The following KLF12 variants were observed in gnomAD, a reference collection of about 807,000 sequenced individuals.
KLF12 encodes the protein KLF transcription factor 12, also known as Krueppel-like factor 12.
A neutral mutation model predicts 37.8 loss-of-function variants in KLF12; 9 were observed. The ratio of observed to expected loss-of-function variants is 0.24; its 90% CI spans 0.14 to 0.42. The LOEUF (loss-of-function observed/expected upper bound fraction) is 0.42, where lower values mean the gene tolerates loss of function less well. KLF12 is among the 10% of genes least tolerant of loss of function. The probability of loss-of-function intolerance (pLI) is 1.00; values close to 1 mark genes in which losing one functional copy is unlikely to be tolerated. For missense variants in KLF12, 411 were observed against 516.0 expected, an observed-to-expected ratio of 0.80 and a Z score of 1.97; for synonymous variants, 208 against 202.1, an observed-to-expected ratio of 1.03 and a Z score of -0.25.
chr13:73,821,566 A>G (rs1163690134), intron 4 of KLF12, among the ~76,000 whole-genome samples: 1 of 152,134 alleles, frequency 6.6e-6, no homozygotes, highest in East Asian at 1.9e-4. Context: ...ACTGCTTTTC[A>G]TCGACTTCCT....
chr13:73,860,085 G>C (rs1294936017), intron 3 of KLF12, among the ~76,000 whole-genome samples: 2 of 152,302 alleles, frequency 1.3e-5, no homozygotes, highest in South Asian at 2.1e-4. Flanking sequence ...ACATGCCTGA[G>C]TTCCGGTCTG....
At chr13:74,285,395 A>T in the KLF12 span, among the ~76,000 whole-genome samples, 4 of 152,214 alleles carry the variant, frequency 2.6e-5, no homozygotes, top group Non-Finnish European at 5.9e-5. Flanking sequence ...TGTAGACATC[A>T]ATACTGCTAA....
At chr13:74,271,495 G>A in the KLF12 span, among the ~76,000 whole-genome samples, 1 of 152,052 alleles carries the variant, frequency 6.6e-6, no homozygotes, top group East Asian at 1.9e-4. Flanking sequence ...ACATTTGTAA[G>A]GCAGAAGAGC....
chr13:74,299,546 C>T, the KLF12 span, among the ~76,000 whole-genome samples: 1 of 152,122 alleles, frequency 6.6e-6, no homozygotes, highest in African/African-American at 2.4e-5. Context: ...TTAGGTTACA[C>T]AGCAATGATC....
chr13:74,113,537 A>G (rs533366442), intron 1 of KLF12, among the ~76,000 whole-genome samples: 32 of 152,366 alleles, frequency 2.1e-4, no homozygotes, highest in African/African-American at 7.0e-4. Context: ...ATAATGGCAC[A>G]TCTACTTACA....
intron 1 of KLF12, among the ~76,000 whole-genome samples, chr13:74,026,499 C>T (rs1892978979): frequency 6.6e-6 from 1 of 152,020 alleles, no homozygotes; most frequent in Admixed American, 6.6e-5. Context: ...TCTTCTATTA[C>T]AAAATAAGGA....
chr13:74,148,392 C>A, the KLF12 span, among the ~76,000 whole-genome samples: 4 of 148,216 alleles, frequency 2.7e-5, no homozygotes, highest in African/African-American at 9.9e-5. Flanking sequence ...TGAAAGTCTG[C>A]CAAAACTGCT....
At chr13:73,837,385 A>G (rs757546882) in intron 4 of KLF12, among the ~76,000 whole-genome samples, 1 of 152,218 alleles carries the variant, frequency 6.6e-6, no homozygotes, top group Non-Finnish European at 1.5e-5. Flanking sequence ...TCAGATAAAC[A>G]AGAGCGTAAG....
chr13:74,112,793 C>G (rs955869631), intron 1 of KLF12, among the ~76,000 whole-genome samples: 5 of 152,162 alleles, frequency 3.3e-5, no homozygotes, highest in Admixed American at 3.3e-4. Context: ...CATCACCTGT[C>G]TCTTACTTTA....
chr13:74,070,425 C>T, intron 1 of KLF12, among the ~76,000 whole-genome samples: 1 of 152,168 alleles, frequency 6.6e-6, no homozygotes, highest in Non-Finnish European at 1.5e-5. Context: ...AGAAGCTCTC[C>T]TTCAGCCAAG....
At chr13:74,242,681 C>T in the KLF12 span, among the ~76,000 whole-genome samples, 1 of 152,258 alleles carries the variant, frequency 6.6e-6, no homozygotes, top group African/African-American at 2.4e-5. Flanking sequence ...TATGCTCATC[C>T]AATAAACTCT....
chr13:74,079,054 G>A (rs911778640), intron 1 of KLF12, among the ~76,000 whole-genome samples: 2 of 152,172 alleles, frequency 1.3e-5, no homozygotes, highest in Admixed American at 6.5e-5. Flanking sequence ...TCTTCCCACA[G>A]TAGGCACTCA....
the KLF12 span, among the ~76,000 whole-genome samples, chr13:74,176,611 CA>C: frequency 2.6e-5 from 4 of 152,152 alleles, no homozygotes; most frequent in Admixed American, 2.6e-4. Flanking sequence ...TATTTTCCCT[CA>C]TTATATCCAC....
At chr13:73,806,603 C>T (rs1373012848) in intron 5 of KLF12, among the ~76,000 whole-genome samples, 2 of 145,398 alleles carry the variant, frequency 1.4e-5, no homozygotes, top group Non-Finnish European at 3.0e-5. Context: ...TGTAGGTTTG[C>T]AGTCAGACAA....
chr13:74,083,332 A>G (rs376222234), intron 1 of KLF12, among the ~76,000 whole-genome samples: 1 of 152,120 alleles, frequency 6.6e-6, no homozygotes, highest in Non-Finnish European at 1.5e-5. Flanking sequence ...ATGGCAAAAC[A>G]CTGTGTCTAA....
intron 3 of KLF12, among the ~76,000 whole-genome samples, chr13:73,888,012 T>G (rs918409212): frequency 2.0e-5 from 3 of 152,152 alleles, no homozygotes; most frequent in Non-Finnish European, 4.4e-5. Flanking sequence ...TTCAGAATTT[T>G]TTTTTTTTGA....
At chr13:74,037,135 G>A (rs7139856) in intron 1 of KLF12, among the ~76,000 whole-genome samples, 96,424 of 150,030 alleles carry the variant, frequency 0.64, 31,464 homozygotes, top group East Asian at 0.84. Flanking sequence ...CCTGGGAGGC[G>A]GAGGTTGCAG....
intron 7 of KLF12, 138 bp downstream of exon 7, chr13:73,715,230 A>G: frequency 1.6e-6 from 1 of 612,218 alleles, no homozygotes; most frequent in Non-Finnish European, 2.7e-6. Context: ...AGAGAGAGAG[A>G]ATACATTCCG....
At chr13:73,826,251 T>C (rs1287001136) in intron 4 of KLF12, among the ~76,000 whole-genome samples, 3 of 151,782 alleles carry the variant, frequency 2.0e-5, no homozygotes, top group African/African-American at 7.3e-5. Context: ...GGGATTACAG[T>C]CATGAGCCAC....
Sources: allele counts gnomAD v4.1 joint callset (sites outside exome capture counted in the v4.1 genomes callset), GRCh38; gene constraint gnomAD v4.1.1; transcripts MANE v1.5; gene names NCBI Gene and HGNC (gene_info 2026-07-23, HGNC 2026-07-21).